KCNT2: variants seen among roughly 807,000 people sequenced by gnomAD.
The protein encoded by KCNT2 is potassium sodium-activated channel subfamily T member 2.
KCNT2 carries 67 observed loss-of-function variants against 153.8 expected under a neutral mutation model. That is an observed-to-expected ratio of 0.44 (90% confidence interval 0.36 to 0.53). KCNT2 has a LOEUF of 0.53. KCNT2 is among the 20% of genes least tolerant of loss of function. The pLI, the probability that KCNT2 is intolerant of heterozygous loss-of-function variation, is 0.00. For synonymous variants in KCNT2, 500 were observed against 458.8 expected (o/e 1.09, Z -1.15); for missense variants, 975 against 1,354.8 (o/e 0.72, Z 4.40).
rs563363538 is a variant in KCNT2, at chr1:196,421,814, G to T, written c.1185+1236C>A. 3.9e-5 allele frequency among the ~76,000 whole-genome samples: 6 copies of T among 152,084 alleles called. No homozygotes were observed. The South Asian group carries it at 1.2e-3, about 32-fold the overall frequency. On this transcript the variant is annotated intron_variant, in intron 12 of 27. Transcript: ENST00000294725. ...GGAAATCAAGTTGTTGGCAGGGTTG[G>T]ATCTTCCTGAGAGCTGTGAGGGAAG...
intron 8 of KCNT2, among the ~76,000 whole-genome samples, chr1:196,439,563 G>A (rs1038549602): frequency 2.6e-5 from 4 of 151,876 alleles, no homozygotes; most frequent in Non-Finnish European, 5.9e-5. Flanking sequence ...ACAGATAGTA[G>A]GGGATAAAGG....
At chr1:196,404,497 A>G (rs1196044492) in intron 12 of KCNT2, among the ~76,000 whole-genome samples, 1 of 151,642 alleles carries the variant, frequency 6.6e-6, no homozygotes, top group African/African-American at 2.4e-5. Flanking sequence ...TCTTCTCTCT[A>G]GCGATAATGC....
intron 10 of KCNT2, among the ~76,000 whole-genome samples, chr1:196,426,602 A>G (rs1189656585): frequency 6.6e-6 from 1 of 152,000 alleles, no homozygotes; most frequent in Non-Finnish European, 1.5e-5. Context: ...CCAATGATTT[A>G]TAGAAATTAA....
chr1:196,259,465 T>C (rs1477781921), intron 25 of KCNT2: 2 of 152,126 alleles, frequency 1.3e-5, no homozygotes, highest in Non-Finnish European at 2.9e-5. Flanking sequence ...CTGAATACTA[T>C]TGTACTTAAG....
At chr1:196,320,454 ATATGT>A (rs1388486915) in intron 19 of KCNT2, among the ~76,000 whole-genome samples, 2 of 151,866 alleles carry the variant, frequency 1.3e-5, no homozygotes, top group Admixed American at 6.6e-5. Flanking sequence ...AAAACAAACA[ATATGT>A]TATATTTAGG....
chr1:196,348,459 T>A (rs1362677273), intron 14 of KCNT2, among the ~76,000 whole-genome samples: 14 of 152,124 alleles, frequency 9.2e-5, no homozygotes, highest in African/African-American at 2.7e-4. Context: ...ACTGTTAACC[T>A]TGAGGTACAC....
rs768022647 is a variant in KCNT2 at position 196,482,389 on chromosome 1, G to C, written c.276-10C>G. On this transcript the variant is annotated splice_polypyrimidine_tract_variant and intron_variant, in intron 3 of 27. Transcript: ENST00000294725. ...CCAAAAGATATGAGACCTATAAAAA[G>C]AATAATAATAAGTTAGTTTTTTAAA... 6.9e-7 allele frequency: 1 copy of C among 1,452,260 alleles called. No homozygotes were observed. Among genetic ancestry groups the C allele is most frequent in the South Asian group, 1.3e-5 (1 of 77,012 alleles). 90.0% of individuals were successfully genotyped at this position (1,452,260 alleles called of 1,614,324 possible).
intron 16 of KCNT2, among the ~76,000 whole-genome samples, chr1:196,339,664 C>G (rs915010579): frequency 3.3e-5 from 5 of 151,722 alleles, no homozygotes; most frequent in Non-Finnish European, 7.4e-5. Context: ...GGGCATGGTT[C>G]CTGGAATAAA....
chr1:196,284,764 G>T (rs1659503542), intron 23 of KCNT2, among the ~76,000 whole-genome samples: 1 of 152,138 alleles, frequency 6.6e-6, no homozygotes, highest in Admixed American at 6.5e-5. Context: ...GACATAAGCA[G>T]ATGGTTCCTG....
chr1:196,583,964 TAGAG>T, intron 1 of KCNT2, among the ~76,000 whole-genome samples: 1 of 151,932 alleles, frequency 6.6e-6, no homozygotes, highest in African/African-American at 2.4e-5. Context: ...AAGGACAAGT[TAGAG>T]TTACATGGTG....
intron 22 of KCNT2, among the ~76,000 whole-genome samples, chr1:196,302,030 A>G (rs954556405): frequency 6.6e-6 from 1 of 152,110 alleles, no homozygotes; most frequent in Admixed American, 6.5e-5. Context: ...GTGAACCACC[A>G]CGCCCAGCTG....
intron 1 of KCNT2, among the ~76,000 whole-genome samples, chr1:196,577,546 A>C (rs1020374978): frequency 1.3e-5 from 2 of 152,192 alleles, no homozygotes; most frequent in African/African-American, 4.8e-5. Flanking sequence ...TTAAGCACTC[A>C]GCTGACCCTT....
chr1:196,495,147 A>G (rs1384075572), intron 1 of KCNT2, among the ~76,000 whole-genome samples: 1 of 152,226 alleles, frequency 6.6e-6, no homozygotes, highest in Non-Finnish European at 1.5e-5. Context: ...TTAAAACATG[A>G]AATTATACAA....
chr1:196,234,523 C>T (rs958223177), intron 27 of KCNT2, among the ~76,000 whole-genome samples: 3 of 151,156 alleles, frequency 2.0e-5, no homozygotes, highest in African/African-American at 7.3e-5. Flanking sequence ...TTCTCTAACA[C>T]CTGCTTTTTA....
chr1:196,452,740 T>C (rs1171017933), intron 8 of KCNT2, among the ~76,000 whole-genome samples: 5 of 151,984 alleles, frequency 3.3e-5, no homozygotes, highest in African/African-American at 1.2e-4. Flanking sequence ...TTATAAGGAA[T>C]TGACTCACTA....
chr1:196,487,605 T>A (rs912345857), intron 3 of KCNT2, among the ~76,000 whole-genome samples: 2 of 151,988 alleles, frequency 1.3e-5, no homozygotes, highest in Non-Finnish European at 2.9e-5. Flanking sequence ...TAAAAAATAA[T>A]CAATATACAA....
intron 12 of KCNT2, among the ~76,000 whole-genome samples, chr1:196,412,645 C>T (rs1007460606): frequency 7.3e-5 from 11 of 151,400 alleles, no homozygotes; most frequent in Non-Finnish European, 1.3e-4. Flanking sequence ...CCCTACCCCC[C>T]AGCACACACA....
At chr1:196,388,327 A>G (rs1670174233) in intron 13 of KCNT2, among the ~76,000 whole-genome samples, 1 of 151,690 alleles carries the variant, frequency 6.6e-6, no homozygotes, top group Admixed American at 6.6e-5. Context: ...AAGCTTCACA[A>G]CAGAGGTACT....
At chr1:196,497,939 T>A (rs192848646) in intron 1 of KCNT2, among the ~76,000 whole-genome samples, 1 of 152,314 alleles carries the variant, frequency 6.6e-6, no homozygotes, top group African/African-American at 2.4e-5. Flanking sequence ...TATTCTAGTA[T>A]CTTCGAATAT....
Sources: gnomAD v4.1 joint callset for allele counts (sites outside exome capture counted in the v4.1 genomes callset) on GRCh38, gnomAD v4.1.1 for gene constraint, MANE v1.5 for transcripts, NCBI Gene and HGNC (gene_info 2026-07-23, HGNC 2026-07-21) for gene names.